Variants in RB1CC1 observed in about 807,000 individuals in gnomAD.
RB1CC1 encodes RB1-inducible coiled-coil protein 1.
RB1CC1 carries 46 observed loss-of-function variants against 177.5 expected under a neutral mutation model. That is an observed-to-expected ratio of 0.26 (90% CI 0.20 to 0.33). RB1CC1 has a LOEUF of 0.33. RB1CC1 is among the 10% of genes least tolerant of loss of function. The pLI is 1.00. For missense variants in RB1CC1, 1,703 were observed against 1,816.3 expected, an observed-to-expected ratio of 0.94 and a Z score of 1.13; for synonymous variants, 666 against 613.6, an observed-to-expected ratio of 1.09 and a Z score of -1.26.
intron 22 of RB1CC1, among the ~76,000 whole-genome samples, chr8:52,627,134 G>A (rs2150369421): frequency 6.6e-6 from 1 of 152,170 alleles, no homozygotes; most frequent in South Asian, 2.1e-4. Flanking sequence ...AGATCACAAG[G>A]TCAGGAGTTT....
At chr8:52,637,584 A>C (rs907003087) in intron 18 of RB1CC1, among the ~76,000 whole-genome samples, 2 of 152,064 alleles carry the variant, frequency 1.3e-5, no homozygotes, top group Admixed American at 1.3e-4. Context: ...TTTAGAGGAG[A>C]CCTTAGGATT....
intron 23 of RB1CC1, among the ~76,000 whole-genome samples, chr8:52,624,440 G>A (rs1406895178): frequency 6.6e-6 from 1 of 151,690 alleles, no homozygotes; most frequent in Non-Finnish European, 1.5e-5. Context: ...TTTTTTTCTT[G>A]CAAATTAGTT....
intron 22 of RB1CC1, among the ~76,000 whole-genome samples, chr8:52,626,287 C>A (rs902612657): frequency 1.3e-5 from 2 of 152,138 alleles, no homozygotes; most frequent in African/African-American, 4.8e-5. Flanking sequence ...TAAATAAATT[C>A]TTTTCTGCAG....
At chr8:52,663,123 AATTC>A (rs1851772833) in intron 8 of RB1CC1, among the ~76,000 whole-genome samples, 1 of 152,102 alleles carries the variant, frequency 6.6e-6, no homozygotes, top group African/African-American at 2.4e-5. Flanking sequence ...ATCTAGTACT[AATTC>A]ATTACTAATA....
At chr8:52,697,161 C>CTA (rs1855489537) in intron 1 of RB1CC1, among the ~76,000 whole-genome samples, 4 of 152,112 alleles carry the variant, frequency 2.6e-5, no homozygotes, top group Admixed American at 2.6e-4. Flanking sequence ...AATCAAGCAA[C>CTA]TATATGTACC....
Position 52,645,854 on chromosome 8 carries a change from A to T in RB1CC1, c.3835T>A (p.Ser1279Thr). The T allele has an allele frequency of 6.3e-7, 1 of 1,594,910 alleles. No homozygotes were observed. Residue 1279 changes from serine to threonine, a missense_variant, in exon 16 of 24, where the codon TCT (serine) becomes ACT (threonine). Physicochemically the swap from Ser to Thr is moderately conservative, Grantham distance 58. Around this residue, in one of 6 missense-constraint regions of RB1CC1, gnomAD observed 1,169 missense variants for 1,184.7 expected, o/e 0.99. Transcript: ENST00000025008. ...NQIAKSPAID[S>T]TRGDSSSLVA... ...AAGCTTGAAGAATCTCCTCTGGTAG[A>T]GTCAATGGCAGGACTTACAAATTAA... is the stretch of plus-strand genomic sequence containing the variant.
intron 18 of RB1CC1, among the ~76,000 whole-genome samples, chr8:52,639,852 G>A (rs1849427539): frequency 6.6e-6 from 1 of 152,132 alleles, no homozygotes; most frequent in South Asian, 2.1e-4. Flanking sequence ...CAAGGCATTT[G>A]ATAAGCTAAA....
At chr8:52,624,631 CAGCAGTGGTAATGATTTCTATATAA>C in intron 23 of RB1CC1, 61 bp downstream of exon 23, 2 of 1,094,902 alleles carry the variant, frequency 1.8e-6, no homozygotes, top group African/African-American at 3.2e-5. Flanking sequence ...AGGCCAAGAA[CAGCAGTGGTAATGATTTCTATATAA>C]AGCAGTATTA....
chr8:52,645,735 T>C lies in RB1CC1; in HGVS notation c.3954A>G (p.Gln1318=). 1 of 1,613,036 alleles carries C rather than the reference T, an allele frequency of 6.2e-7. No homozygotes were observed. The change falls in exon 16 of 24, where the codon CAA becomes CAG. Residue 1318 remains glutamine (Q), a synonymous_variant. Transcript: ENST00000025008. The stretch of plus-strand genomic sequence containing the variant: ...CCGCAATCAAAGATGTTCGAACATT[T>C]TGCATTTCTTCATTCTTTCTTTTTT... The part of the protein sequence containing the change: ...EQEKRKNEEM[Q]NVRTSLIAEQ...
At chr8:52,666,718 G>A (rs1411767183) in intron 8 of RB1CC1, among the ~76,000 whole-genome samples, 2 of 152,022 alleles carry the variant, frequency 1.3e-5, no homozygotes, top group Non-Finnish European at 2.9e-5. Flanking sequence ...AAACTGTAGA[G>A]CTGAAAAATG....
rs1379645157 is a variant in RB1CC1, at chr8:52,673,996, C to G, written c.851G>C (p.Ser284Thr). Residue 284 changes from serine to threonine, a missense_variant, in exon 7 of 24, where the codon AGT (serine) becomes ACT (threonine). Physicochemically the swap from Ser to Thr is moderately conservative, Grantham distance 58 (BLOSUM62 1). Around this residue, in one of 6 missense-constraint regions of RB1CC1, gnomAD observed 315 missense variants for 304.9 expected, o/e 1.03. Coordinates refer to ENST00000025008, the MANE Select transcript of RB1CC1 (RefSeq NM_014781.5). ...AGTTTCATCTTGCTGATGAACAGTA[C>G]TTTGACAAGATTCCCTAATTTCTTT... ...SGKEIRESCQSTVHQQDETTI... is the reference protein window; with the variant it reads ...SGKEIRESCQTTVHQQDETTI... 6.2e-7 allele frequency: 1 copy of G among 1,614,170 alleles called. No individual in the cohort carries two copies. Among genetic ancestry groups the G allele is most frequent in the Non-Finnish European group, 8.5e-7 (1 of 1,180,024 alleles).
chr8:52,628,095 G>A lies in RB1CC1; in HGVS notation c.4573C>T (p.Pro1525Ser). Residue 1525 changes from proline to serine, a missense_variant, in exon 22 of 24, where the codon CCT becomes TCT. Physicochemically the swap from Pro to Ser is moderately conservative, Grantham distance 74. Coordinates refer to ENST00000025008, the MANE Select transcript of RB1CC1 (RefSeq NM_014781.5). Reference sequence around the variant, plus strand: ...TCTGAATGTAGAAAATATAAAGTAGGACTAACAGTAAATAACACATAATTG... The same window carrying A: ...TCTGAATGTAGAAAATATAAAGTAGAACTAACAGTAAATAACACATAATTG... ...HDNYVLFTVS[P>S]TLYFLHSESL... 6.2e-7 allele frequency: 1 copy of A among 1,605,848 alleles called. No homozygotes were observed. Among genetic ancestry groups the A allele is most frequent in the Non-Finnish European group, 8.5e-7 (1 of 1,173,754 alleles).
intron 1 of RB1CC1, among the ~76,000 whole-genome samples, chr8:52,701,376 C>T (rs1340043370): frequency 2.0e-5 from 3 of 152,042 alleles, no homozygotes; most frequent in Admixed American, 6.6e-5. Context: ...TCACCTGTCT[C>T]GGCCTCCCCA....
At position 52,674,316 on chromosome 8, in the gene RB1CC1, T is replaced by A. The variant is rs1282617623; in HGVS notation, c.573-42A>T. 2.7e-6 allele frequency: 4 copies of A among 1,478,242 alleles called. No homozygotes were observed. The African/African-American group carries it at 5.6e-5, about 21-fold the overall frequency. The allele number at this position is 1,478,242 out of a possible 1,614,324, so 91.6% of individuals were successfully genotyped here. A position where few individuals can be genotyped will look rare whatever the true frequency, so the allele number is the denominator to read the frequency against. On this transcript the variant is annotated intron_variant, in intron 6 of 23. Transcript: ENST00000025008. ...TCTGTCAGTAAAACTATGAGACTGC[T>A]CTAATTAGGAATTAGCATGTTTGAA...
In RB1CC1 at chr8:52,657,595, A is replaced by C. The variant is rs1280080747; in HGVS notation, c.2234T>G (p.Leu745Trp). 1 of 1,613,996 alleles carries C rather than the reference A, an allele frequency of 6.2e-7. No individual in the cohort carries two copies. Among genetic ancestry groups the C allele is most frequent in the African/African-American group, 1.3e-5 (1 of 74,940 alleles). Reference sequence around the variant, plus strand: ...ATCACTTATAGGATTAGGAGACGACAAATTTTCTTCTATTACAAACTCATT... The same window carrying C: ...ATCACTTATAGGATTAGGAGACGACCAATTTTCTTCTATTACAAACTCATT... ...AVNEFVIEEN[L>W]SSPNPISDPQ... Residue 745 changes from leucine to tryptophan, a missense_variant, in exon 15 of 24, where the codon TTG becomes TGG. By Grantham distance (61) the Leu-to-Trp change is moderately conservative (BLOSUM62 -2). Around this residue, in one of 6 missense-constraint regions of RB1CC1, gnomAD observed 1,169 missense variants for 1,184.7 expected, o/e 0.99. Coordinates refer to ENST00000025008, the MANE Select transcript of RB1CC1 (RefSeq NM_014781.5).
intron 1 of RB1CC1, among the ~76,000 whole-genome samples, chr8:52,699,406 C>G (rs1188132487): frequency 6.6e-6 from 1 of 152,066 alleles, no homozygotes; most frequent in East Asian, 1.9e-4. Flanking sequence ...GGAAGTATAG[C>G]TAAAACAAGA....
intron 19 of RB1CC1, 63 bp downstream of exon 19, chr8:52,635,952 A>C: frequency 6.4e-7 from 1 of 1,559,410 alleles, no homozygotes; most frequent in Non-Finnish European, 8.7e-7. Context: ...TCCAGAATGA[A>C]GTTTAACTGT....
chr8:52,629,832 C>G (rs1848635989), intron 21 of RB1CC1, among the ~76,000 whole-genome samples: 1 of 152,144 alleles, frequency 6.6e-6, no homozygotes. Context: ...ACCCTCCCAG[C>G]TTTCATTTGT....
chr8:52,629,792 C>G (rs1848632466), intron 21 of RB1CC1, among the ~76,000 whole-genome samples: 1 of 152,170 alleles, frequency 6.6e-6, no homozygotes, highest in Non-Finnish European at 1.5e-5. Context: ...AATCAGAAAA[C>G]TTTAAAAATC....
Sources: allele counts gnomAD v4.1 joint callset (sites outside exome capture counted in the v4.1 genomes callset), GRCh38; gene constraint gnomAD v4.1.1; regional missense constraint gnomAD v4.1.1; transcripts MANE v1.5; gene names NCBI Gene and HGNC (gene_info 2026-07-23, HGNC 2026-07-21).